Variants in AIM2 observed in about 807,000 individuals in gnomAD.
AIM2 encodes interferon-inducible protein AIM2.
In AIM2, 30 loss-of-function variants were observed where a neutral mutation model predicts 27.7. The observed-to-expected ratio is 1.08, with a 90% CI of 0.81 to 1.47. The LOEUF (loss-of-function observed/expected upper bound fraction) is 1.47, where lower values mean the gene tolerates loss of function less well. AIM2 is among the 40% of genes most tolerant of loss of function. The pLI is 0.00. For synonymous variants in AIM2, 141 were observed against 145.3 expected, an observed-to-expected ratio of 0.97 and a Z score of 0.21; for missense variants, 358 against 411.3, an observed-to-expected ratio of 0.87 and a Z score of 1.12.
At position 159,073,365 on chromosome 1, in the gene AIM2, T is replaced by A. The variant is rs1656454065; in HGVS notation, c.135A>T (p.Arg45Ser). Residue 45 changes from arginine (R) to serine (S), a missense_variant, in exon 2 of 6, where the codon AGA becomes AGT. Physicochemically the swap from Arg to Ser is moderately radical, Grantham distance 110. Transcript: ENST00000368130. ...IATGKLHTAN[R>S]IQVATLMIQN... ...GAATCATCAAGGTAGCTACTTGTAT[T>A]CTGTTTGCAGTATGTAGTTTGCCTG... 6.2e-7 allele frequency: 1 copy of A among 1,614,104 alleles called. No homozygotes were observed. The highest frequency in any genetic ancestry group is 8.5e-7 in the Non-Finnish European group (1 of 1,180,044).
At chr1:159,090,886 A>G (rs893350908) in intron 1 of AIM2, among the ~76,000 whole-genome samples, 2 of 152,176 alleles carry the variant, frequency 1.3e-5, no homozygotes, top group South Asian at 2.1e-4. Flanking sequence ...CCTCTACCAC[A>G]TTAGCATAAA....
chr1:159,083,022 G>A (rs1466548101), intron 1 of AIM2, among the ~76,000 whole-genome samples: 1 of 152,036 alleles, frequency 6.6e-6, no homozygotes, highest in East Asian at 1.9e-4. Flanking sequence ...TTACTGTTTT[G>A]GATCTTTTAA....
intron 1 of AIM2, among the ~76,000 whole-genome samples, chr1:159,138,708 CTCTT>C (rs1253206722): frequency 2.6e-5 from 4 of 152,184 alleles, no homozygotes; most frequent in Non-Finnish European, 5.9e-5. Context: ...TAGGAGTAAT[CTCTT>C]TCTCTTTCCT....
intron 1 of AIM2, among the ~76,000 whole-genome samples, chr1:159,108,216 G>A (rs536085121): frequency 6.6e-6 from 1 of 152,194 alleles, no homozygotes; most frequent in South Asian, 2.1e-4. Context: ...CGTTCAAGTG[G>A]GTTTCATACA....
chr1:159,120,478 T>C (rs1331879818), intron 1 of AIM2, among the ~76,000 whole-genome samples: 1 of 152,192 alleles, frequency 6.6e-6, no homozygotes, highest in Non-Finnish European at 1.5e-5. Context: ...ACAGCTATTG[T>C]TGTCTTTTGC....
At chr1:159,058,558 G>A (rs1019551566), downstream of AIM2, among the ~76,000 whole-genome samples, 1 of 151,934 alleles carries the variant, frequency 6.6e-6, no homozygotes, top group Non-Finnish European at 1.5e-5. Flanking sequence ...ATGGAGACAG[G>A]TCGACCATCC....
At chr1:159,104,268 G>A (rs1335553691) in intron 1 of AIM2, among the ~76,000 whole-genome samples, 1 of 152,142 alleles carries the variant, frequency 6.6e-6, no homozygotes, top group Non-Finnish European at 1.5e-5. Context: ...AAACAATATG[G>A]TATCATGGCT....
intron 1 of AIM2, among the ~76,000 whole-genome samples, chr1:159,145,645 T>C (rs1037327191): frequency 6.6e-5 from 10 of 152,152 alleles, no homozygotes; most frequent in Non-Finnish European, 1.3e-4. Context: ...AGAACCAATC[T>C]ATCTTAACAA....
chr1:159,086,522 C>T (rs1219759105), intron 1 of AIM2, among the ~76,000 whole-genome samples: 1 of 152,220 alleles, frequency 6.6e-6, no homozygotes, highest in Non-Finnish European at 1.5e-5. Flanking sequence ...CCCCATCTGG[C>T]TAATTCTTAC....
chr1:159,128,173 G>A (rs998016618), intron 1 of AIM2, among the ~76,000 whole-genome samples: 3 of 151,994 alleles, frequency 2.0e-5, no homozygotes, highest in African/African-American at 7.3e-5. Flanking sequence ...CAGATATGGT[G>A]ATAGGAGTGT....
chr1:159,087,400 C>T (rs913649606), intron 1 of AIM2, among the ~76,000 whole-genome samples: 1 of 151,842 alleles, frequency 6.6e-6, no homozygotes, highest in Non-Finnish European at 1.5e-5. Context: ...CATACTTGTG[C>T]TGAACTGTGG....
At chr1:159,115,470 T>C (rs553489835) in intron 1 of AIM2, among the ~76,000 whole-genome samples, 1 of 152,298 alleles carries the variant, frequency 6.6e-6, no homozygotes, top group Admixed American at 6.5e-5. Flanking sequence ...AGCATGGTAC[T>C]GGTACAAAAA....
intron 1 of AIM2, among the ~76,000 whole-genome samples, chr1:159,107,666 A>C (rs1477394232): frequency 7.9e-5 from 12 of 152,242 alleles, no homozygotes. Flanking sequence ...CATTAGCAAG[A>C]TTAACCAAGG....
At chr1:159,129,553 G>A (rs1376182626) in intron 1 of AIM2, among the ~76,000 whole-genome samples, 5 of 152,120 alleles carry the variant, frequency 3.3e-5, no homozygotes, top group African/African-American at 1.2e-4. Context: ...ACTATGTGAT[G>A]TTGGTTACTC....
chr1:159,119,978 A>T (rs1647488471), intron 1 of AIM2, among the ~76,000 whole-genome samples: 1 of 152,120 alleles, frequency 6.6e-6, no homozygotes, highest in Non-Finnish European at 1.5e-5. Flanking sequence ...CATTATATAG[A>T]TCATGTGTAG....
intron 1 of AIM2, among the ~76,000 whole-genome samples, chr1:159,128,923 A>G (rs2814779): frequency 0.8 from 122,266 of 152,040 alleles, 50,586 homozygotes; most frequent in Non-Finnish European, 0.91. Context: ...AGAAATTATC[A>G]AGTCCACTTG....
At chr1:159,122,448 C>T (rs1647562204) in intron 1 of AIM2, 1 of 152,200 alleles carries the variant, frequency 6.6e-6, no homozygotes, top group Non-Finnish European at 1.5e-5. Flanking sequence ...GTGTCACAGC[C>T]ATGCCCATGC....
intron 1 of AIM2, among the ~76,000 whole-genome samples, chr1:159,110,528 G>A (rs995893642): frequency 6.6e-6 from 1 of 151,968 alleles, no homozygotes; most frequent in South Asian, 2.1e-4. Context: ...AGGGTCTATG[G>A]ACCTCAAAGT....
chr1:159,071,948 A>G (rs1656380102), intron 2 of AIM2, among the ~76,000 whole-genome samples: 1 of 152,216 alleles, frequency 6.6e-6, no homozygotes, highest in African/African-American at 2.4e-5. Flanking sequence ...AAAATCCCAG[A>G]ATCATTAGAA....
Sources: allele counts gnomAD v4.1 joint callset (sites outside exome capture counted in the v4.1 genomes callset), GRCh38; gene constraint gnomAD v4.1.1; transcripts MANE v1.5; gene names NCBI Gene and HGNC (gene_info 2026-07-23, HGNC 2026-07-21).